The following TAFA5 variants were observed in gnomAD, a reference collection of about 807,000 sequenced individuals.
TAFA5 encodes chemokine-like protein TAFA-5.
In TAFA5, 6 loss-of-function variants were observed where a neutral mutation model predicts 15.3. The ratio of observed to expected loss-of-function variants is 0.39; its 90% CI spans 0.21 to 0.77. The LOEUF is 0.77. TAFA5 is among the 30% of genes least tolerant of loss of function. The probability of loss-of-function intolerance (pLI) is 0.41; values close to 1 mark genes in which losing one functional copy is unlikely to be tolerated. For missense variants in TAFA5, 161 were observed against 193.1 expected, an observed-to-expected ratio of 0.83 and a Z score of 0.98; for synonymous variants, 103 against 80.7, an observed-to-expected ratio of 1.28 and a Z score of -1.48.
intron 1 of TAFA5, among the ~76,000 whole-genome samples, chr22:48,506,957 A>T (rs2071783): frequency 1.1e-4 from 17 of 152,284 alleles, no homozygotes; most frequent in East Asian, 9.7e-4. Context: ...CATCCCCTCC[A>T]GCCCACAGCA....
At chr22:48,502,765 G>T (rs1157519151) in intron 1 of TAFA5, among the ~76,000 whole-genome samples, 4 of 152,058 alleles carry the variant, frequency 2.6e-5, no homozygotes, top group African/African-American at 9.7e-5. Context: ...CAGGTGATCC[G>T]CCCCCCTCGG....
intron 1 of TAFA5, among the ~76,000 whole-genome samples, chr22:48,570,329 T>C (rs1923540183): frequency 6.6e-6 from 1 of 152,212 alleles, no homozygotes; most frequent in Admixed American, 6.5e-5. Flanking sequence ...ACAATTTATC[T>C]ACATTGTTTT....
At chr22:48,592,124 C>G (rs1008879148) in intron 1 of TAFA5, among the ~76,000 whole-genome samples, 5 of 152,230 alleles carry the variant, frequency 3.3e-5, no homozygotes, top group African/African-American at 1.2e-4. Context: ...AGGCCTGGGC[C>G]TGAGCCACGG....
intron 3 of TAFA5, among the ~76,000 whole-genome samples, chr22:48,748,357 AG>A (rs1191058814): frequency 6.6e-6 from 1 of 152,236 alleles, no homozygotes; most frequent in African/African-American, 2.4e-5. Flanking sequence ...GACCCAGCAG[AG>A]GGGAGCTCAG....
At chr22:48,717,694 C>G (rs1442479813) in intron 3 of TAFA5, among the ~76,000 whole-genome samples, 1 of 152,240 alleles carries the variant, frequency 6.6e-6, no homozygotes, top group Non-Finnish European at 1.5e-5. Context: ...TTGGAGAGTT[C>G]CAGTGCTTCC....
At chr22:48,539,745 G>A (rs1400344265) in intron 1 of TAFA5, among the ~76,000 whole-genome samples, 9 of 152,306 alleles carry the variant, frequency 5.9e-5, no homozygotes, top group Admixed American at 5.9e-4. Flanking sequence ...TCAGGAGAGG[G>A]CTTAATAGCC....
chr22:48,593,917 C>A (rs556069033), intron 1 of TAFA5, among the ~76,000 whole-genome samples: 2 of 152,222 alleles, frequency 1.3e-5, no homozygotes, highest in African/African-American at 4.8e-5. Context: ...CGCTGCAGCC[C>A]AAGGAGACCT....
chr22:48,587,317 C>T (rs899281946), intron 1 of TAFA5, among the ~76,000 whole-genome samples: 4 of 152,182 alleles, frequency 2.6e-5, no homozygotes, highest in African/African-American at 7.2e-5. Context: ...GGGTCCTGGA[C>T]TGCAGGGACT....
chr22:48,665,358 C>T (rs576828761), intron 2 of TAFA5, among the ~76,000 whole-genome samples: 3 of 152,298 alleles, frequency 2.0e-5, no homozygotes, highest in African/African-American at 7.2e-5. Context: ...CTTAATGGTA[C>T]ATTTTGATGA....
intron 1 of TAFA5, chr22:48,544,983 C>G (rs1922612277): frequency 2.3e-6 from 1 of 426,430 alleles, no homozygotes; most frequent in South Asian, 1.7e-5. Flanking sequence ...CAGCAGCCGC[C>G]TCTCCTTTGC....
At chr22:48,503,931 C>T (rs1052091247) in intron 1 of TAFA5, among the ~76,000 whole-genome samples, 2 of 152,164 alleles carry the variant, frequency 1.3e-5, no homozygotes, top group African/African-American at 2.4e-5. Context: ...GGTGCCGAGC[C>T]AGCTCAGGAT....
chr22:48,612,689 C>G (rs573307117), intron 1 of TAFA5, among the ~76,000 whole-genome samples: 212 of 152,330 alleles, frequency 1.4e-3, no homozygotes, highest in African/African-American at 5.1e-3. Flanking sequence ...CCACGAGTGC[C>G]TTTCTCTGAG....
In TAFA5 at chr22:48,542,563, T is replaced by G. The variant is rs1462245526; in HGVS notation, c.112+52859T>G. The stretch of plus-strand genomic sequence containing the variant: ...TGTGTGTGTGATGTGTATGTGTGTG[T>G]GGTGTGTGTGGTGTGTGTGCGGGTG... On this transcript the variant is annotated intron_variant, in intron 1 of 3. Transcript: ENST00000402357. 2.7e-4 allele frequency among the ~76,000 whole-genome samples: 7 copies of G among 25,804 alleles called. 1 individual carries two copies. In the South Asian group the frequency reaches 5.2e-3, roughly 19 times the overall value. 16.9% of individuals were successfully genotyped at this position (25,804 alleles called of 152,430 possible). A position where few individuals can be genotyped will look rare whatever the true frequency, so the allele number is the denominator to read the frequency against.
intron 2 of TAFA5, among the ~76,000 whole-genome samples, chr22:48,665,336 CCTT>C (rs1410452770): frequency 6.6e-6 from 1 of 152,140 alleles, no homozygotes; most frequent in Non-Finnish European, 1.5e-5. Flanking sequence ...CTGTGGCTGG[CCTT>C]CTTATTTGCT....
intron 1 of TAFA5, among the ~76,000 whole-genome samples, chr22:48,531,618 C>T (rs1921975402): frequency 6.6e-6 from 1 of 152,182 alleles, no homozygotes; most frequent in Non-Finnish European, 1.5e-5. Flanking sequence ...GGGACTCTAG[C>T]CTGGACCCTC....
At chr22:48,575,324 G>A (rs886584773) in intron 1 of TAFA5, among the ~76,000 whole-genome samples, 3 of 151,310 alleles carry the variant, frequency 2.0e-5, no homozygotes, top group Non-Finnish European at 4.4e-5. Flanking sequence ...GCGCTGCAGG[G>A]CGGGGTCCCC....
chr22:48,674,536 G>A (rs1042010342), intron 2 of TAFA5, among the ~76,000 whole-genome samples: 16 of 152,206 alleles, frequency 1.1e-4, no homozygotes, highest in Admixed American at 2.6e-4. Flanking sequence ...ATTGAATCGC[G>A]TCATTTGCAA....
chr22:48,664,872 A>C (rs528995918), intron 2 of TAFA5, among the ~76,000 whole-genome samples: 1 of 152,282 alleles, frequency 6.6e-6, no homozygotes, highest in Non-Finnish European at 1.5e-5. Flanking sequence ...TTGAATTTTT[A>C]GTCATTCTGC....
At chr22:48,630,611 G>A (rs375898679) in intron 1 of TAFA5, among the ~76,000 whole-genome samples, 2 of 152,172 alleles carry the variant, frequency 1.3e-5, no homozygotes, top group Non-Finnish European at 2.9e-5. Flanking sequence ...CCAGTGAGGC[G>A]CTAATGATGG....
Sources: gnomAD v4.1 joint callset for allele counts (sites outside exome capture counted in the v4.1 genomes callset) on GRCh38, gnomAD v4.1.1 for gene constraint, MANE v1.5 for transcripts, NCBI Gene and HGNC (gene_info 2026-07-23, HGNC 2026-07-21) for gene names.